Variants in HRH1 observed in about 807,000 individuals in gnomAD.
HRH1 encodes the protein histamine H1 receptor.
HRH1 carries 6 observed loss-of-function variants against 10.3 expected under a neutral mutation model. That is an observed-to-expected ratio of 0.58 (90% CI 0.32 to 1.15). HRH1 has a LOEUF of 1.15. HRH1 is among the 50% of genes most tolerant of loss of function. The pLI is 0.05. For synonymous variants in HRH1, 242 were observed against 236.7 expected (o/e 1.02, Z -0.21); for missense variants, 514 against 615.3 (o/e 0.84, Z 1.74).
chr3:11,150,717 C>G (rs575983292), upstream of HRH1, among the ~76,000 whole-genome samples: 6 of 152,338 alleles, frequency 3.9e-5, no homozygotes, highest in African/African-American at 1.4e-4. Context: ...AACTGGGCAA[C>G]TTGGGCAAGT....
intron 1 of HRH1, among the ~76,000 whole-genome samples, chr3:11,222,055 A>G (rs1938726799): frequency 6.6e-6 from 1 of 152,192 alleles, no homozygotes; most frequent in African/African-American, 2.4e-5. Context: ...TGCTATGAAC[A>G]TGAGTATATC....
chr3:11,209,614 A>C (rs1357806348), intron 1 of HRH1, among the ~76,000 whole-genome samples: 1 of 152,234 alleles, frequency 6.6e-6, no homozygotes, highest in Non-Finnish European at 1.5e-5. Flanking sequence ...GGCAGCCTTA[A>C]CAGCAAACAT....
At chr3:11,144,925 G>T (rs1936400957) in intron 1 of HRH1, among the ~76,000 whole-genome samples, 1 of 152,020 alleles carries the variant, frequency 6.6e-6, no homozygotes, top group Non-Finnish European at 1.5e-5. Flanking sequence ...CTTTTTCTCA[G>T]TAAATAGCTC....
intron 1 of HRH1, among the ~76,000 whole-genome samples, chr3:11,217,037 T>A (rs1938530157): frequency 6.6e-6 from 1 of 150,728 alleles, no homozygotes; most frequent in South Asian, 2.1e-4. Flanking sequence ...TACAAAAAAA[T>A]TAGCCAGGCT....
intron 1 of HRH1, among the ~76,000 whole-genome samples, chr3:11,161,005 G>A (rs766417684): frequency 9.9e-5 from 15 of 152,168 alleles, no homozygotes; most frequent in Non-Finnish European, 1.9e-4. Context: ...CTCCAAGTTT[G>A]GAGGAGCAAG....
intron 1 of HRH1, among the ~76,000 whole-genome samples, chr3:11,192,475 G>A (rs565149028): frequency 2.0e-5 from 3 of 152,324 alleles, no homozygotes; most frequent in East Asian, 3.9e-4. Context: ...TGCATCTACT[G>A]TTGAGGTAGG....
At chr3:11,253,000 A>G (rs1420851828) in intron 1 of HRH1, 4 of 152,178 alleles carry the variant, frequency 2.6e-5, no homozygotes, top group African/African-American at 9.7e-5. Context: ...TAATTTTAGT[A>G]TTAAATCACT....
intron 1 of HRH1, among the ~76,000 whole-genome samples, chr3:11,215,986 C>T (rs1259511494): frequency 5.9e-5 from 9 of 152,028 alleles, no homozygotes; most frequent in Non-Finnish European, 1.5e-5. Flanking sequence ...TAAATGGCTA[C>T]GTGGGATTCC....
At chr3:11,157,922 G>A (rs759698772) in intron 1 of HRH1, among the ~76,000 whole-genome samples, 4 of 152,208 alleles carry the variant, frequency 2.6e-5, no homozygotes, top group Non-Finnish European at 5.9e-5. Flanking sequence ...TATTTGTTGA[G>A]GTGTGATTTC....
chr3:11,210,663 C>T (rs1481176932), intron 1 of HRH1, among the ~76,000 whole-genome samples: 2 of 151,822 alleles, frequency 1.3e-5, no homozygotes, highest in African/African-American at 2.4e-5. Flanking sequence ...TGTGGTGGTG[C>T]GCATTCACAG....
At chr3:11,138,704 A>ATTTTTT (rs35194961) in intron 1 of HRH1, among the ~76,000 whole-genome samples, 5 of 139,390 alleles carry the variant, frequency 3.6e-5, no homozygotes, top group Non-Finnish European at 7.7e-5. Context: ...TCATAGCTGA[A>ATTTTTT]TTTTTTTTTT....
intron 1 of HRH1, among the ~76,000 whole-genome samples, chr3:11,175,971 C>A (rs1362824852): frequency 1.3e-5 from 2 of 151,546 alleles, no homozygotes; most frequent in Non-Finnish European, 2.9e-5. Context: ...CTAGCCTGGG[C>A]AACATGGCAA....
At chr3:11,247,364 C>T (rs1476819344) in intron 1 of HRH1, among the ~76,000 whole-genome samples, 7 of 152,184 alleles carry the variant, frequency 4.6e-5, no homozygotes, top group African/African-American at 9.7e-5. Flanking sequence ...GCACCAGTCA[C>T]GATCGCAAGA....
chr3:11,153,431 G>C (rs924007645), upstream of HRH1, among the ~76,000 whole-genome samples: 1 of 152,002 alleles, frequency 6.6e-6, no homozygotes, highest in South Asian at 2.1e-4. Context: ...AGCTCTGTGT[G>C]GTCCACAACC....
chr3:11,247,607 C>T (rs113166972), intron 1 of HRH1, among the ~76,000 whole-genome samples: 1 of 151,958 alleles, frequency 6.6e-6, no homozygotes, highest in Admixed American at 6.5e-5. Context: ...GGTTGTTTAC[C>T]GAACAGGTAG....
intron 1 of HRH1, among the ~76,000 whole-genome samples, chr3:11,145,588 A>AT (rs898697758): frequency 1.3e-5 from 2 of 152,062 alleles, no homozygotes; most frequent in African/African-American, 4.8e-5. Flanking sequence ...GGAAAATGAG[A>AT]TTTTTTAAAT....
chr3:11,145,076 G>A (rs576173454), intron 1 of HRH1, among the ~76,000 whole-genome samples: 6 of 152,074 alleles, frequency 3.9e-5, no homozygotes, highest in African/African-American at 9.6e-5. Context: ...TGGCCGCTGC[G>A]CTAGTTCAGG....
chr3:11,203,198 A>C (rs1264313959), intron 1 of HRH1, among the ~76,000 whole-genome samples: 1 of 152,266 alleles, frequency 6.6e-6, no homozygotes, highest in African/African-American at 2.4e-5. Flanking sequence ...TTATAAATAA[A>C]AATAAAGCTG....
At position 11,174,859 on chromosome 3, in the gene HRH1, T is replaced by C. The variant is rs560891588; in HGVS notation, c.-36+20305T>C. ...GCTGGTGAGAAGAAGCTGGAAGCCA[T>C]TGTGGGGTCTGGGTAGCTGTTGGGC... On this transcript the variant is annotated intron_variant, in intron 1 of 1. Transcript: ENST00000431010. Among the ~76,000 whole-genome samples the C allele has an allele frequency of 3.3e-5, 5 of 152,218 alleles. No homozygotes were observed. In the East Asian group the frequency reaches 5.8e-4, roughly 18 times the overall value.
Sources: allele counts gnomAD v4.1 joint callset (sites outside exome capture counted in the v4.1 genomes callset), GRCh38; gene constraint gnomAD v4.1.1; transcripts MANE v1.5; gene names NCBI Gene and HGNC (gene_info 2026-07-23, HGNC 2026-07-21).